PAK3: variants seen among roughly 807,000 people sequenced by gnomAD.
The protein encoded by PAK3 is p21 (RAC1) activated kinase 3.
A neutral mutation model predicts 41.0 loss-of-function variants in PAK3; 4 were observed. That is an observed-to-expected ratio of 0.10 (90% CI 0.05 to 0.22). PAK3 has a LOEUF of 0.22. PAK3 is among the 10% of genes least tolerant of loss of function. The pLI, the probability that PAK3 is intolerant of heterozygous loss-of-function variation, is 1.00. For synonymous variants in PAK3, 146 were observed against 139.6 expected (o/e 1.05, Z -0.32); for missense variants, 205 against 409.9 (o/e 0.50, Z 4.32).
Position 111,221,525 on chromosome X carries a change from G to C in PAK3, c.*1078G>C, listed in dbSNP as rs773749897. 3.6e-5 allele frequency: 4 copies of C among 112,312 alleles called. No individual in the cohort carries two copies. In the South Asian group the frequency reaches 1.5e-3, roughly 42 times the overall value. The allele number at this position is 112,312 out of a possible 1,213,427, so 9.3% of individuals were successfully genotyped here. ...CTTGTGCTTATGAAACATATGCACT[G>C]TAAAATAGGCATACCAGGAGGAAAT... is the stretch of plus-strand genomic sequence containing the variant. On this transcript the variant is annotated 3_prime_UTR_variant, in exon 18 of 18. Coordinates refer to ENST00000372007, the MANE Select transcript of PAK3 (RefSeq NM_002578.5).
chrX:110,986,578 A>G (rs2091548554), intron 1 of PAK3, among the ~76,000 whole-genome samples: 1 of 111,967 alleles, frequency 8.9e-6, no homozygotes, highest in Admixed American at 9.5e-5. Flanking sequence ...CTTCATGCTC[A>G]GAGCCTGAAT....
At chrX:111,098,458 G>A (rs2093053039) in intron 3 of PAK3, 1 of 111,388 alleles carries the variant, frequency 9.0e-6, no homozygotes, top group Non-Finnish European at 1.9e-5. Flanking sequence ...ATTCTCTGGT[G>A]AGATAGGCAA....
intron 16 of PAK3, among the ~76,000 whole-genome samples, chrX:111,203,163 G>A (rs1186833730): frequency 9.0e-6 from 1 of 111,368 alleles, no homozygotes; most frequent in Non-Finnish European, 1.9e-5. Context: ...ACAACAATTC[G>A]TCATCACCCC....
chrX:111,002,249 C>T (rs1412960100), intron 1 of PAK3, among the ~76,000 whole-genome samples: 1 of 111,647 alleles, frequency 9.0e-6, no homozygotes, highest in Non-Finnish European at 1.9e-5. Flanking sequence ...CTGTTGATAT[C>T]CCCATTTTAA....
chrX:111,108,410 C>G (rs752236728), intron 4 of PAK3, among the ~76,000 whole-genome samples: 8 of 112,275 alleles, frequency 7.1e-5, no homozygotes, highest in Non-Finnish European at 1.3e-4. Flanking sequence ...AAACTCTGGA[C>G]TGCAGACCAG....
chrX:110,997,310 A>G (rs191334376), intron 1 of PAK3, among the ~76,000 whole-genome samples: 1 of 111,484 alleles, frequency 9.0e-6, no homozygotes, highest in Admixed American at 9.5e-5. Context: ...CTTAGATTTT[A>G]GTAGGCTTAC....
At position 110,965,198 on chromosome X, in the gene PAK3, G is replaced by A. The variant is rs758731568; in HGVS notation, c.-28+20570G>A. Among the ~76,000 whole-genome samples the A allele has an allele frequency of 5.3e-5, 6 of 112,395 alleles. No homozygotes were observed. In the East Asian group the frequency reaches 1.4e-3, roughly 26 times the overall value. On this transcript the variant is annotated intron_variant, in intron 1 of 14. Transcript: ENST00000425146. ...AGGCTGACTGCCCTGAAGGCCATGT[G>A]GGCCTTGGGGAGGTGGGTTTGCATT...
intron 1 of PAK3, among the ~76,000 whole-genome samples, chrX:110,970,044 A>T (rs1253934468): frequency 8.9e-6 from 1 of 111,843 alleles, no homozygotes; most frequent in Non-Finnish European, 1.9e-5. Flanking sequence ...ATTTTGTTAC[A>T]TTTACACCTA....
At chrX:111,118,483 A>T (rs1342252180) in intron 4 of PAK3, among the ~76,000 whole-genome samples, 2 of 110,912 alleles carry the variant, frequency 1.8e-5, no homozygotes, top group Admixed American at 1.9e-4. Flanking sequence ...TATATCTCAG[A>T]TTAGGAAATT....
At chrX:111,018,658 T>A (rs1275453198) in intron 1 of PAK3, among the ~76,000 whole-genome samples, 1 of 111,891 alleles carries the variant, frequency 8.9e-6, no homozygotes, top group Non-Finnish European at 1.9e-5. Flanking sequence ...ATATTTATGA[T>A]GTCACTACCC....
chrX:111,204,351 T>C (rs1416445024), intron 16 of PAK3, among the ~76,000 whole-genome samples: 1 of 111,200 alleles, frequency 9.0e-6, no homozygotes, highest in Admixed American at 9.6e-5. Context: ...AGAATCCTTA[T>C]AGCATGGCTT....
rs1008697568 is a variant in PAK3, at chrX:111,097,444, G to A, written c.-298G>A. ...TTCTGGGCTGTTGGTCTGTAGAAGC[G>A]AAGGAGAGAAGGGTGAGTGGCTTGG... On this transcript the variant is annotated 5_prime_UTR_variant, in exon 2 of 18. Transcript: ENST00000372007. 1.9e-5 allele frequency: 2 copies of A among 106,649 alleles called. No homozygotes were observed. Among genetic ancestry groups the A allele is most frequent in the East Asian group, 3.0e-4 (1 of 3,383 alleles). The allele number at this position is 106,649 out of a possible 1,213,427, so 8.8% of individuals were successfully genotyped here.
At chrX:110,959,217 A>G (rs1475228841) in intron 1 of PAK3, among the ~76,000 whole-genome samples, 1 of 111,719 alleles carries the variant, frequency 9.0e-6, no homozygotes, top group Non-Finnish European at 1.9e-5. Context: ...TTAGGCAGTT[A>G]GTTTTAACTC....
At chrX:110,958,535 G>T (rs1172315019) in intron 1 of PAK3, among the ~76,000 whole-genome samples, 6 of 111,343 alleles carry the variant, frequency 5.4e-5, no homozygotes, top group Non-Finnish European at 9.4e-5. Context: ...CTTGCTACTA[G>T]ACTGGATATA....
intron 11 of PAK3, among the ~76,000 whole-genome samples, chrX:111,180,602 A>G (rs2094453354): frequency 8.9e-6 from 1 of 111,763 alleles, no homozygotes; most frequent in Non-Finnish European, 1.9e-5. Context: ...CTTATCTTGT[A>G]TTTGGGTATA....
At chrX:111,036,050 C>T (rs778677639) in intron 1 of PAK3, among the ~76,000 whole-genome samples, 1 of 112,301 alleles carries the variant, frequency 8.9e-6, no homozygotes, top group Non-Finnish European at 1.9e-5. Context: ...CCTTGGGCTC[C>T]CAGTGTATTG....
chrX:111,067,780 A>G (rs1246312218), intron 1 of PAK3, among the ~76,000 whole-genome samples: 1 of 110,759 alleles, frequency 9.0e-6, no homozygotes, highest in Non-Finnish European at 1.9e-5. Flanking sequence ...TATTTTTTCT[A>G]GAATTTTTAT....
chrX:111,168,020 C>T (rs1349440324), intron 10 of PAK3, among the ~76,000 whole-genome samples: 1 of 111,223 alleles, frequency 9.0e-6, no homozygotes, highest in Non-Finnish European at 1.9e-5. Context: ...CTCAGCATTC[C>T]CCACTCAAAA....
chrX:111,176,255 C>T (rs2094402641), intron 11 of PAK3, among the ~76,000 whole-genome samples: 2 of 110,452 alleles, frequency 1.8e-5, no homozygotes, highest in African/African-American at 6.6e-5. Context: ...CTTTCCACTG[C>T]ATCTTCTCAC....
Sources: gnomAD v4.1 joint callset for allele counts (sites outside exome capture counted in the v4.1 genomes callset) on GRCh38, gnomAD v4.1.1 for gene constraint, MANE v1.5 for transcripts, NCBI Gene and HGNC (gene_info 2026-07-23, HGNC 2026-07-21) for gene names.